DYNC2H1: variants seen among roughly 807,000 people sequenced by gnomAD.
The protein encoded by DYNC2H1 is dynein cytoplasmic 2 heavy chain 1.
In DYNC2H1, 410 loss-of-function variants were observed where a neutral mutation model predicts 570.0. The observed-to-expected ratio is 0.72, with a 90% CI of 0.66 to 0.78. The LOEUF (loss-of-function observed/expected upper bound fraction) is 0.78. Ranked by LOEUF, DYNC2H1 falls within the 30% of genes least tolerant of loss-of-function variation. The pLI is 0.00. For synonymous variants in DYNC2H1, 1,688 were observed against 1,677.6 expected (o/e 1.01, Z -0.15); for missense variants, 4,865 against 5,046.4 (o/e 0.96, Z 1.09).
intron 83 of DYNC2H1, among the ~76,000 whole-genome samples, chr11:103,375,320 G>T (rs889012032): frequency 1.3e-5 from 2 of 152,200 alleles, no homozygotes; most frequent in African/African-American, 4.8e-5. Context: ...CTCTGCTAGG[G>T]CAGTGCAGAA....
chr11:103,415,875 C>T (rs1943262202), intron 84 of DYNC2H1, among the ~76,000 whole-genome samples: 1 of 152,164 alleles, frequency 6.6e-6, no homozygotes, highest in Non-Finnish European at 1.5e-5. Context: ...GCACTATTCA[C>T]AATAGTAAAG....
chr11:103,152,384 T>C, intron 21 of DYNC2H1, 99 bp downstream of exon 21: 1 of 1,145,806 alleles, frequency 8.7e-7, no homozygotes, highest in South Asian at 1.6e-5. Flanking sequence ...TTATAATAAT[T>C]TAATGTGGCT....
In DYNC2H1 at chr11:103,133,292, C is replaced by T. The variant is rs1489239840; in HGVS notation, c.1954-263C>T. On this transcript the variant is annotated intron_variant, in intron 13 of 88. Transcript: ENST00000375735. This position sits in a 1 kb window ranked among gnomAD's most constrained non-coding sequence, Gnocchi z 4.8. ...TTCCTCAGGTTTCTAGGCTGTCTGC[C>T]TTCTTCATTCTTCCTTTCCGTCACC... Among the ~76,000 whole-genome samples the T allele has an allele frequency of 6.6e-6, 1 of 152,022 alleles. No homozygotes were observed. The highest frequency in any genetic ancestry group is 1.5e-5 in the Non-Finnish European group (1 of 68,006).
chr11:103,285,144 T>C (rs574212817), intron 73 of DYNC2H1, among the ~76,000 whole-genome samples: 2 of 152,188 alleles, frequency 1.3e-5, no homozygotes, highest in African/African-American at 4.8e-5. Context: ...CTTGACAGAG[T>C]TTAAAACTGA....
chr11:103,164,144 G>T (rs1239895187), intron 30 of DYNC2H1, among the ~76,000 whole-genome samples: 1 of 151,998 alleles, frequency 6.6e-6, no homozygotes. Flanking sequence ...CTTCCAGATA[G>T]GATTTATAAA....
intron 83 of DYNC2H1, among the ~76,000 whole-genome samples, chr11:103,390,347 T>G (rs1386961158): frequency 6.6e-6 from 1 of 150,538 alleles, no homozygotes; most frequent in African/African-American, 2.5e-5. Context: ...TTCCATTTGC[T>G]TGATAGATTT....
chr11:103,132,049 C>T (rs1214349424), intron 13 of DYNC2H1, among the ~76,000 whole-genome samples: 1 of 151,738 alleles, frequency 6.6e-6, no homozygotes, highest in African/African-American at 2.4e-5. Context: ...TCTCTTCTTC[C>T]TTTTAGGAAG....
chr11:103,122,920 T>A lies in DYNC2H1; in HGVS notation c.1581T>A (p.Leu527=). Residue 527 remains leucine, a synonymous_variant, in exon 11 of 89, where the codon CTT becomes CTA. Transcript: ENST00000375735. The part of the protein sequence containing the change: ...HQSAKDLLDQ[L]KLYEQEQFDD... ...GTGCCAAAGATCTCTTAGACCAGCT[T>A]AAACTATATGAACAGGAACAATTTG... 1 of 1,612,438 alleles carries A rather than the reference T, an allele frequency of 6.2e-7. No individual in the cohort carries two copies. The highest frequency in any genetic ancestry group is 8.5e-7 in the Non-Finnish European group (1 of 1,179,098).
intron 88 of DYNC2H1, 111 bp downstream of exon 88, chr11:103,468,816 A>T: frequency 1.3e-6 from 1 of 779,274 alleles, no homozygotes; most frequent in Admixed American, 3.1e-5. Flanking sequence ...TTCTAATCTC[A>T]CCTGCATTTG....
At chr11:103,458,939 C>G (rs543104760) in intron 87 of DYNC2H1, among the ~76,000 whole-genome samples, 1 of 152,072 alleles carries the variant, frequency 6.6e-6, no homozygotes, top group East Asian at 2.0e-4. Flanking sequence ...CCCAAAGCGA[C>G]CAGATTACAG....
At chr11:103,111,476 G>A (rs1858109465) in intron 1 of DYNC2H1, among the ~76,000 whole-genome samples, 1 of 152,152 alleles carries the variant, frequency 6.6e-6, no homozygotes, top group South Asian at 2.1e-4. Context: ...TTCTCCAATA[G>A]GTAGCGTAGT....
chr11:103,310,574 C>T (rs1478689038), intron 78 of DYNC2H1, among the ~76,000 whole-genome samples: 1 of 150,102 alleles, frequency 6.7e-6, no homozygotes, highest in Middle Eastern at 3.5e-3. Flanking sequence ...GAAATTTGGC[C>T]TTATCTATGG....
At chr11:103,270,947 A>C (rs1032546957) in intron 70 of DYNC2H1, among the ~76,000 whole-genome samples, 1 of 152,318 alleles carries the variant, frequency 6.6e-6, no homozygotes, top group South Asian at 2.1e-4. Context: ...TTGAAATGGC[A>C]TAGAAAAATG....
chr11:103,173,307 T>C lies in DYNC2H1; in HGVS notation c.5558+2T>C, dbSNP rs762666243. On this transcript the variant is annotated splice_donor_variant, in intron 35 of 88. Coordinates refer to ENST00000375735, the MANE Select transcript of DYNC2H1 (RefSeq NM_001377.3). LOFTEE classifies it high-confidence loss of function. Reference sequence around the variant, plus strand: ...GGTAGCTATTTTCAATCTATCTAGGTGAGTTTTCTTGTTCTAAATATTTTT... The same window carrying C: ...GGTAGCTATTTTCAATCTATCTAGGCGAGTTTTCTTGTTCTAAATATTTTT... 4.6e-6 allele frequency: 7 copies of C among 1,532,746 alleles called. No homozygotes were observed. In the South Asian group the frequency reaches 9.2e-5, roughly 20 times the overall value. The allele number at this position is 1,532,746 out of a possible 1,614,324, so 94.9% of individuals were successfully genotyped here.
At chr11:103,207,209 C>T (rs533988436) in intron 52 of DYNC2H1, among the ~76,000 whole-genome samples, 1 of 147,594 alleles carries the variant, frequency 6.8e-6, no homozygotes, top group South Asian at 2.1e-4. Flanking sequence ...GCGTGAGCTA[C>T]CGTGCCTGGG....
chr11:103,393,470 A>G (rs2135621691), intron 83 of DYNC2H1, among the ~76,000 whole-genome samples: 1 of 152,324 alleles, frequency 6.6e-6, no homozygotes, highest in Admixed American at 6.5e-5. Context: ...TTCTATTAAT[A>G]GCCTACTTCA....
intron 84 of DYNC2H1, among the ~76,000 whole-genome samples, chr11:103,424,337 A>G (rs1465678851): frequency 2.0e-5 from 3 of 152,154 alleles, no homozygotes; most frequent in Admixed American, 2.0e-4. Flanking sequence ...TAAAAAGCCA[A>G]ATGGTACCAA....
At chr11:103,114,003 A>C in intron 2 of DYNC2H1, 100 bp from the exon 3 acceptor site, 1 of 1,368,218 alleles carries the variant, frequency 7.3e-7, no homozygotes, top group East Asian at 2.5e-5. Context: ...AGGTAGTGGC[A>C]GGCTTTAAGA....
Position 103,116,575 on chromosome 11 carries a change from T to C in DYNC2H1, c.627T>C (p.Phe209=). Residue 209 remains phenylalanine, a synonymous_variant, in exon 5 of 89, where the codon TTT becomes TTC. Coordinates refer to ENST00000375735, the MANE Select transcript of DYNC2H1 (RefSeq NM_001377.3). Reference sequence around the variant, plus strand: ...ATTAATGCATTTTTTTCTAGGAGTTTTATAACTTGGACAGTCTATCCTTAC... The same window carrying C: ...ATTAATGCATTTTTTTCTAGGAGTTCTATAACTTGGACAGTCTATCCTTAC... ...KELFETIARE[F]YNLDSLSLLE... 6.4e-7 allele frequency: 1 copy of C among 1,573,930 alleles called. No homozygotes were observed. Among genetic ancestry groups the C allele is most frequent in the Non-Finnish European group, 8.6e-7 (1 of 1,161,744 alleles).
Sources: gnomAD v4.1 joint callset for allele counts (sites outside exome capture counted in the v4.1 genomes callset) on GRCh38, gnomAD v4.1.1 for gene constraint, Gnocchi (gnomAD v3.1) non-coding constraint, MANE v1.5 for transcripts, NCBI Gene and HGNC (gene_info 2026-07-23, HGNC 2026-07-21) for gene names.